Variants in PLXNA4 observed in about 807,000 individuals in gnomAD.
PLXNA4 encodes the protein plexin-A4.
Under a neutral mutation model 191.8 loss-of-function variants are expected in PLXNA4, and 44 were observed. The ratio of observed to expected loss-of-function variants is 0.23; its 90% CI spans 0.18 to 0.29. The LOEUF is 0.29. Among genes scored for constraint, PLXNA4 ranks in the 10% least tolerant of loss-of-function variants. The pLI is 1.00. For synonymous variants in PLXNA4, 1,082 were observed against 1,009.5 expected (o/e 1.07, Z -1.36); for missense variants, 1,800 against 2,488.8 (o/e 0.72, Z 5.89).
chr7:132,529,401 C>A (rs980753993), intron 1 of PLXNA4, among the ~76,000 whole-genome samples: 1 of 152,078 alleles, frequency 6.6e-6, no homozygotes, highest in Non-Finnish European at 1.5e-5. Context: ...AAAATTAAAT[C>A]AATATCAAAA....
intron 31 of PLXNA4, among the ~76,000 whole-genome samples, chr7:132,132,645 A>C (rs942235942): frequency 5.3e-5 from 8 of 151,686 alleles, no homozygotes; most frequent in African/African-American, 1.7e-4. Context: ...TTCTGTTTCT[A>C]TTCTATTCTA....
At chr7:132,351,827 T>C (rs1803500573) in intron 3 of PLXNA4, among the ~76,000 whole-genome samples, 1 of 151,998 alleles carries the variant, frequency 6.6e-6, no homozygotes, top group African/African-American at 2.4e-5. Context: ...CTGCCTCTCT[T>C]GGTCATTCCA....
chr7:132,194,326 T>G, intron 13 of PLXNA4, 147 bp from the exon 14 acceptor site: 1 of 1,322,402 alleles, frequency 7.6e-7, no homozygotes, highest in Non-Finnish European at 1.0e-6. Context: ...TCCTAATTCC[T>G]CCTAGCAGGG....
At chr7:132,153,316 C>A (rs146692464) in intron 25 of PLXNA4, among the ~76,000 whole-genome samples, 77 of 152,124 alleles carry the variant, frequency 5.1e-4, no homozygotes, top group African/African-American at 1.8e-3. Context: ...TAAGAAAGAT[C>A]CAGCATGCCA....
At chr7:132,331,567 A>T (rs1802591503) in intron 3 of PLXNA4, among the ~76,000 whole-genome samples, 1 of 152,210 alleles carries the variant, frequency 6.6e-6, no homozygotes, top group Admixed American at 6.5e-5. Context: ...GGTTATAGGG[A>T]GTGGTCAGGA....
intron 3 of PLXNA4, among the ~76,000 whole-genome samples, chr7:132,372,158 T>A (rs1011920912): frequency 1.3e-5 from 2 of 152,220 alleles, no homozygotes; most frequent in Non-Finnish European, 2.9e-5. Flanking sequence ...TGACCTGTCA[T>A]GTGGCACTAC....
intron 22 of PLXNA4, 152 bp downstream of exon 22, chr7:132,168,152 C>T (rs1158150168): frequency 1.8e-6 from 2 of 1,141,796 alleles, no homozygotes; most frequent in Non-Finnish European, 2.3e-6. Context: ...TCTAAGGGGG[C>T]CTGCAATGTA....
At position 132,136,213 on chromosome 7, in the gene PLXNA4, G is replaced by A. The variant is rs186581373; in HGVS notation, c.5439-3014C>T. 3.2e-4 allele frequency among the ~76,000 whole-genome samples: 49 copies of A among 152,204 alleles called. No individual in the cohort carries two copies. In the East Asian group the frequency reaches 7.0e-3, roughly 22 times the overall value. ...GCTTCCTTCTCGCTCCTGTTGTGCC[G>A]GCCCCAGTGCTGGGCTCCTCCACTG... is the stretch of plus-strand genomic sequence containing the variant. On this transcript the variant is annotated intron_variant, in intron 30 of 31. Coordinates refer to ENST00000321063, the MANE Select transcript of PLXNA4 (RefSeq NM_020911.2).
intron 3 of PLXNA4, among the ~76,000 whole-genome samples, chr7:132,343,106 A>ATT (rs5887567): frequency 2.7e-5 from 4 of 147,504 alleles, no homozygotes; most frequent in African/African-American, 9.9e-5. Context: ...AACAGTTAAG[A>ATT]TTTTTTTTTT....
At chr7:132,414,717 C>T (rs567375704) in intron 3 of PLXNA4, among the ~76,000 whole-genome samples, 9 of 152,282 alleles carry the variant, frequency 5.9e-5, no homozygotes, top group African/African-American at 2.2e-4. Flanking sequence ...TATAGCCCAA[C>T]AGGTTCAAGG....
chr7:132,496,598 C>T (rs1798020437), intron 2 of PLXNA4, among the ~76,000 whole-genome samples: 1 of 152,110 alleles, frequency 6.6e-6, no homozygotes. Context: ...GACGGGGTTT[C>T]ACTATGTTGG....
chr7:132,159,578 T>G lies in PLXNA4; in HGVS notation c.4555A>C (p.Ile1519Leu). 1 of 1,614,076 alleles carries G rather than the reference T, an allele frequency of 6.2e-7. No individual in the cohort carries two copies. Among genetic ancestry groups the G allele is most frequent in the Non-Finnish European group, 8.5e-7 (1 of 1,180,028 alleles). Reference sequence around the variant, plus strand: ...TGAGTGATGGTGTCACAGTTGAGGATCTTTACTGGGACCTCGGGGCTGTTG... The same window carrying G: ...TGAGTGATGGTGTCACAGTTGAGGAGCTTTACTGGGACCTCGGGGCTGTTG... ...NANSPEVPVK[I>L]LNCDTITQVK... The change falls in exon 25 of 32, where the codon ATC becomes CTC. Residue 1519 changes from isoleucine to leucine, a missense_variant. Ile to Leu is a conservative substitution (Grantham distance 5). Around this residue, in one of 6 missense-constraint regions of PLXNA4, gnomAD observed 214 missense variants for 298.2 expected, o/e 0.72. Coordinates refer to ENST00000321063, the MANE Select transcript of PLXNA4 (RefSeq NM_020911.2).
At chr7:132,440,955 A>C (rs1272916831) in intron 3 of PLXNA4, among the ~76,000 whole-genome samples, 1 of 152,234 alleles carries the variant, frequency 6.6e-6, no homozygotes, top group African/African-American at 2.4e-5. Context: ...TTATTTTTCC[A>C]AAATAATATG....
chr7:132,529,164 C>G (rs1407084192), intron 1 of PLXNA4, among the ~76,000 whole-genome samples: 1 of 152,226 alleles, frequency 6.6e-6, no homozygotes, highest in Non-Finnish European at 1.5e-5. Context: ...TAACCCCACC[C>G]TGGAAGGCCC....
chr7:132,191,104 T>A (rs774802769), intron 14 of PLXNA4, among the ~76,000 whole-genome samples: 11 of 151,940 alleles, frequency 7.2e-5, no homozygotes, highest in African/African-American at 2.7e-4. Context: ...TAGGATTGAA[T>A]GGGGAAGCAG....
At chr7:132,561,892 T>C (rs1165535692) in intron 1 of PLXNA4, among the ~76,000 whole-genome samples, 64 of 62,306 alleles carry the variant, frequency 1.0e-3, no homozygotes, top group Admixed American at 1.8e-3. Flanking sequence ...TCCTCTGCCT[T>C]CTCCTTCTCC....
chr7:132,307,647 G>A (rs186001182), intron 3 of PLXNA4, among the ~76,000 whole-genome samples: 74 of 152,206 alleles, frequency 4.9e-4, no homozygotes, highest in Middle Eastern at 3.4e-3. Flanking sequence ...CCGCGTGGCC[G>A]GTAGGTGCCC....
In PLXNA4 at chr7:132,168,576, C is replaced by A. The variant is rs988079894; in HGVS notation, c.4018-4G>T. 3.8e-6 allele frequency: 6 copies of A among 1,571,900 alleles called. No homozygotes were observed. The African/African-American group carries it at 6.7e-5, about 18-fold the overall frequency. ...GCTCCTGCCGGTAGCCCGGGACCTG[C>A]AGAGAGACCTAGGAGTCGTGATGCC... On this transcript the variant is annotated splice_polypyrimidine_tract_variant and splice_region_variant and intron_variant, in intron 21 of 31. Coordinates refer to ENST00000321063, the MANE Select transcript of PLXNA4 (RefSeq NM_020911.2).
At chr7:132,297,591 C>T (rs1248242118) in intron 4 of PLXNA4, among the ~76,000 whole-genome samples, 1 of 152,168 alleles carries the variant, frequency 6.6e-6, no homozygotes, top group East Asian at 1.9e-4. Context: ...GTTGTATGTA[C>T]ACACAAAAGT....
Sources: gnomAD v4.1 joint callset for allele counts (sites outside exome capture counted in the v4.1 genomes callset) on GRCh38, gnomAD v4.1.1 for gene constraint, gnomAD v4.1.1 regional missense constraint, MANE v1.5 for transcripts, NCBI Gene and HGNC (gene_info 2026-07-23, HGNC 2026-07-21) for gene names.